Variants in BCKDHB observed in about 807,000 individuals in gnomAD.
BCKDHB encodes the protein branched chain keto acid dehydrogenase E1 subunit beta.
A neutral mutation model predicts 48.5 loss-of-function variants in BCKDHB; 41 were observed. The ratio of observed to expected loss-of-function variants is 0.85; its 90% confidence interval spans 0.66 to 1.10. BCKDHB has a LOEUF of 1.10. BCKDHB is among the 50% of genes least tolerant of loss of function. The pLI, the probability that BCKDHB is intolerant of heterozygous loss-of-function variation, is 0.00. For missense variants in BCKDHB, 496 were observed against 494.2 expected, an observed-to-expected ratio of 1.00 and a Z score of -0.03; for synonymous variants, 201 against 174.8, an observed-to-expected ratio of 1.15 and a Z score of -1.18.
chr6:80,201,712 T>A (rs1459219929), intron 7 of BCKDHB, among the ~76,000 whole-genome samples: 1 of 152,092 alleles, frequency 6.6e-6, no homozygotes. Context: ...CCACTTCATT[T>A]TCCCCCCGAC....
chr6:80,331,391 A>C (rs1419523146), intron 9 of BCKDHB, among the ~76,000 whole-genome samples: 1 of 152,180 alleles, frequency 6.6e-6, no homozygotes. Context: ...TTTTGTGTTA[A>C]CCATTCCATA....
intron 9 of BCKDHB, among the ~76,000 whole-genome samples, chr6:80,287,641 C>G (rs1766694718): frequency 1.3e-5 from 2 of 152,092 alleles, no homozygotes; most frequent in South Asian, 4.1e-4. Flanking sequence ...TCCTGTAAAG[C>G]AGGTTCCTGG....
the BCKDHB span, among the ~76,000 whole-genome samples, chr6:80,377,198 G>A: frequency 5.3e-5 from 8 of 150,650 alleles, no homozygotes; most frequent in African/African-American, 7.4e-5. Context: ...CCACCACCAC[G>A]CCTAGCTAAT....
the BCKDHB span, among the ~76,000 whole-genome samples, chr6:80,438,287 C>T: frequency 2.6e-5 from 4 of 152,202 alleles, no homozygotes; most frequent in Non-Finnish European, 4.4e-5. Context: ...CATATCAGAA[C>T]ATTCCTCATC....
Position 80,129,153 on chromosome 6 carries a change from T to G in BCKDHB, c.275-8T>G. On this transcript the variant is annotated splice_polypyrimidine_tract_variant and splice_region_variant and intron_variant, in intron 2 of 9. Transcript: ENST00000320393. ...AATAAAATGTATTATTTAAATACTG[T>G]TTTTCAGTAATATTTGGTGAAGATG... 2 of 1,594,490 alleles carry G rather than the reference T, an allele frequency of 1.3e-6. No individual in the cohort carries two copies. Among genetic ancestry groups the G allele is most frequent in the South Asian group, 2.2e-5 (2 of 89,300 alleles).
intron 1 of BCKDHB, among the ~76,000 whole-genome samples, chr6:80,108,755 G>C (rs1769263506): frequency 1.3e-5 from 2 of 152,140 alleles, no homozygotes; most frequent in South Asian, 4.1e-4. Context: ...AGCTACTCGG[G>C]AGGCTGAGGG....
intron 3 of BCKDHB, among the ~76,000 whole-genome samples, chr6:80,143,000 T>A (rs1771299013): frequency 6.6e-6 from 1 of 152,092 alleles, no homozygotes; most frequent in African/African-American, 2.4e-5. Flanking sequence ...AGAGTATCAA[T>A]AAATACAGAC....
chr6:80,367,277 T>A, the BCKDHB span, among the ~76,000 whole-genome samples: 3 of 152,134 alleles, frequency 2.0e-5, no homozygotes, highest in African/African-American at 2.4e-5. Flanking sequence ...AAAAATAAAA[T>A]TTTTAATTAT....
the BCKDHB span, among the ~76,000 whole-genome samples, chr6:80,419,118 G>C: frequency 1.3e-5 from 2 of 152,162 alleles, no homozygotes; most frequent in South Asian, 2.1e-4. Context: ...GAGATCATTT[G>C]GGGGAGGTGG....
chr6:80,328,946 C>G (rs1466853483), intron 9 of BCKDHB, among the ~76,000 whole-genome samples: 2 of 152,072 alleles, frequency 1.3e-5, no homozygotes, highest in African/African-American at 4.8e-5. Flanking sequence ...GTGCATGTTG[C>G]TAGGTTGCTC....
chr6:80,337,547 A>G (rs527643805), intron 9 of BCKDHB, among the ~76,000 whole-genome samples: 1 of 152,008 alleles, frequency 6.6e-6, no homozygotes, highest in African/African-American at 2.4e-5. Context: ...TAGAGAAGAA[A>G]TGATAGCTCC....
rs191479354 is a variant in BCKDHB, at chr6:80,288,092, C to G, written c.1038+14871C>G. 8.5e-3 allele frequency among the ~76,000 whole-genome samples: 1,281 copies of G among 150,022 alleles called. 11 individuals carry two copies. The highest frequency in any genetic ancestry group is 0.014 in the Non-Finnish European group (945 of 67,560). ...CAATGATTCCTAAATAACTTAAAAG[C>G]TTTTTTTTTCCAAATTGGGTGTTAG... On this transcript the variant is annotated intron_variant, in intron 9 of 9. Transcript: ENST00000320393.
At chr6:80,151,534 G>A (rs1474798250) in intron 3 of BCKDHB, among the ~76,000 whole-genome samples, 1 of 151,802 alleles carries the variant, frequency 6.6e-6, no homozygotes, top group Non-Finnish European at 1.5e-5. Context: ...CAGTAGCAGT[G>A]AGACTCAGAT....
At chr6:80,399,348 A>C in the BCKDHB span, among the ~76,000 whole-genome samples, 1 of 152,154 alleles carries the variant, frequency 6.6e-6, no homozygotes, top group Non-Finnish European at 1.5e-5. Context: ...TATCTAGAAA[A>C]CCCCATAGTC....
the BCKDHB span, among the ~76,000 whole-genome samples, chr6:80,411,912 C>T: frequency 2.0e-5 from 3 of 152,230 alleles, no homozygotes; most frequent in Admixed American, 2.0e-4. Context: ...CTTCAACTTC[C>T]CGGGTGAGGT....
intron 9 of BCKDHB, among the ~76,000 whole-genome samples, chr6:80,309,861 TC>T (rs1192674148): frequency 6.6e-6 from 1 of 152,208 alleles, no homozygotes; most frequent in East Asian, 1.9e-4. Context: ...CCTGCCAACC[TC>T]AGCCCTCAAG....
chr6:80,372,267 G>C, the BCKDHB span, among the ~76,000 whole-genome samples: 2 of 151,960 alleles, frequency 1.3e-5, no homozygotes, highest in Non-Finnish European at 2.9e-5. Context: ...TCTCAGCTTG[G>C]TCACTGTTGG....
At chr6:80,283,901 T>G (rs1178760573) in intron 9 of BCKDHB, among the ~76,000 whole-genome samples, 1 of 152,146 alleles carries the variant, frequency 6.6e-6, no homozygotes, top group Non-Finnish European at 1.5e-5. Context: ...GCTGATTCTC[T>G]TGGCCACCTT....
At chr6:80,132,886 C>T (rs1434030111) in intron 3 of BCKDHB, among the ~76,000 whole-genome samples, 2 of 152,080 alleles carry the variant, frequency 1.3e-5, no homozygotes, top group African/African-American at 4.8e-5. Context: ...GTAACATATA[C>T]TTAAAAAATT....
Sources: allele counts gnomAD v4.1 joint callset (sites outside exome capture counted in the v4.1 genomes callset), GRCh38; gene constraint gnomAD v4.1.1; transcripts MANE v1.5; gene names NCBI Gene and HGNC (gene_info 2026-07-23, HGNC 2026-07-21).